The following PLEKHM3 variants were observed in gnomAD, a reference collection of about 807,000 sequenced individuals.
PLEKHM3 encodes pleckstrin homology domain-containing family M member 3.
In PLEKHM3, 45 loss-of-function variants were observed where a neutral mutation model predicts 81.8. That is an observed-to-expected ratio of 0.55 (90% CI 0.43 to 0.71). The LOEUF (loss-of-function observed/expected upper bound fraction) is 0.71, where lower values mean the gene tolerates loss of function less well. Ranked by LOEUF, PLEKHM3 falls within the 30% of genes least tolerant of loss-of-function variation. The probability of loss-of-function intolerance (pLI) is 0.00; values close to 1 mark genes in which losing one functional copy is unlikely to be tolerated. For synonymous variants in PLEKHM3, 352 were observed against 356.4 expected (o/e 0.99, Z 0.14); for missense variants, 788 against 924.3 (o/e 0.85, Z 1.91).
chr2:207,991,218 A>G (rs1691891015), intron 2 of PLEKHM3, among the ~76,000 whole-genome samples: 3 of 152,226 alleles, frequency 2.0e-5, no homozygotes, highest in Admixed American at 1.3e-4. Flanking sequence ...TTGGCTCTAT[A>G]TATCTAATCT....
At chr2:208,013,686 C>A (rs1392261763) in intron 1 of PLEKHM3, among the ~76,000 whole-genome samples, 1 of 152,148 alleles carries the variant, frequency 6.6e-6, no homozygotes, top group African/African-American at 2.4e-5. Context: ...CTTTCTGACC[C>A]ACAGACACAT....
chr2:208,019,453 T>G (rs1420986687), intron 1 of PLEKHM3, among the ~76,000 whole-genome samples: 2 of 152,168 alleles, frequency 1.3e-5, no homozygotes, highest in Non-Finnish European at 2.9e-5. Context: ...ACAACCTGGC[T>G]AAGTCTAATT....
At chr2:207,963,939 T>G (rs779345883) in intron 3 of PLEKHM3, among the ~76,000 whole-genome samples, 16 of 152,212 alleles carry the variant, frequency 1.1e-4, no homozygotes, top group Non-Finnish European at 1.9e-4. Flanking sequence ...TGGCTGGGCA[T>G]GGTGGCTCAC....
chr2:207,880,524 G>A (rs1440642740), intron 6 of PLEKHM3, among the ~76,000 whole-genome samples: 1 of 151,094 alleles, frequency 6.6e-6, no homozygotes, highest in Non-Finnish European at 1.5e-5. Context: ...AGCACTTTGG[G>A]AGGCCGAGAC....
At chr2:208,015,814 T>G (rs191072955) in intron 1 of PLEKHM3, among the ~76,000 whole-genome samples, 48 of 152,364 alleles carry the variant, frequency 3.2e-4, no homozygotes, top group African/African-American at 1.1e-3. Flanking sequence ...CAAACAAATG[T>G]TTCTGTCAAA....
rs1361115175 is a variant in PLEKHM3 at position 207,977,495 on chromosome 2, T to C, written c.702A>G (p.Glu234=). Residue 234 remains glutamate, a synonymous_variant, in exon 3 of 8, where the codon GAA becomes GAG. Coordinates refer to ENST00000427836, the MANE Select transcript of PLEKHM3 (RefSeq NM_001080475.3). ...HDSYWQSCYA[E]LSPYNLYFYS... is the part of the protein sequence containing the mutation. ...AGAAGTATAAGTTGTAAGGTGAAAG[T>C]TCTGCATAACAGCTTTGCCAGTAAC... 6.2e-7 allele frequency: 1 copy of C among 1,614,142 alleles called. No individual in the cohort carries two copies. Among genetic ancestry groups the C allele is most frequent in the Non-Finnish European group, 8.5e-7 (1 of 1,180,014 alleles).
rs118022887 is a variant in PLEKHM3, at chr2:207,978,505, G to A, written c.611-919C>T. Among the ~76,000 whole-genome samples, 576 of 152,158 alleles carry A rather than the reference G, an allele frequency of 3.8e-3. 11 individuals carry two copies. The highest frequency in any genetic ancestry group is 0.02 in the East Asian group (104 of 5,158). On this transcript the variant is annotated intron_variant, in intron 2 of 7. Transcript: ENST00000427836. Reference sequence around the variant, plus strand: ...CGAGGAAGGGTCAATGAATAGGAGCGAGCATAAAATGTGCTGCTCACAAAC... The same window carrying A: ...CGAGGAAGGGTCAATGAATAGGAGCAAGCATAAAATGTGCTGCTCACAAAC...
At chr2:207,949,263 A>T (rs891304896) in intron 3 of PLEKHM3, among the ~76,000 whole-genome samples, 1 of 152,216 alleles carries the variant, frequency 6.6e-6, no homozygotes, top group Non-Finnish European at 1.5e-5. Context: ...GAACCATGGA[A>T]CTGGCTAGGC....
At chr2:207,949,011 A>C (rs533159263) in intron 3 of PLEKHM3, among the ~76,000 whole-genome samples, 15 of 152,260 alleles carry the variant, frequency 9.9e-5, no homozygotes, top group African/African-American at 3.6e-4. Flanking sequence ...CTTAATACAG[A>C]GCTTTACAAA....
intron 6 of PLEKHM3, among the ~76,000 whole-genome samples, chr2:207,893,174 A>G (rs1045846123): frequency 6.6e-6 from 1 of 152,226 alleles, no homozygotes; most frequent in African/African-American, 2.4e-5. Context: ...GATTTACTTA[A>G]TATCCCAGCC....
chr2:207,880,627 T>G (rs576824747), intron 6 of PLEKHM3, among the ~76,000 whole-genome samples: 10 of 141,316 alleles, frequency 7.1e-5, no homozygotes, highest in Non-Finnish European at 7.8e-5. Flanking sequence ...GCCGGGCGTG[T>G]TGGCGGGCGC....
At chr2:207,969,481 A>G (rs1691037324) in intron 3 of PLEKHM3, among the ~76,000 whole-genome samples, 1 of 152,220 alleles carries the variant, frequency 6.6e-6, no homozygotes, top group Admixed American at 6.5e-5. Context: ...ATGCCATAAA[A>G]CAGGCCTTTG....
intron 3 of PLEKHM3, among the ~76,000 whole-genome samples, chr2:207,964,203 C>A (rs1411486292): frequency 6.6e-6 from 1 of 151,448 alleles, no homozygotes; most frequent in African/African-American, 2.4e-5. Context: ...CAGAGTGAGA[C>A]TCCGTCTCAA....
intron 6 of PLEKHM3, among the ~76,000 whole-genome samples, chr2:207,897,326 C>T (rs896826727): frequency 6.6e-6 from 1 of 152,284 alleles, no homozygotes; most frequent in South Asian, 2.1e-4. Context: ...CTTGATGACG[C>T]TGAAGAAAAC....
intron 6 of PLEKHM3, among the ~76,000 whole-genome samples, chr2:207,889,018 T>C (rs1431077246): frequency 6.6e-6 from 1 of 152,208 alleles, no homozygotes; most frequent in Non-Finnish European, 1.5e-5. Flanking sequence ...TACCTATAAA[T>C]GGCCTCTATG....
At chr2:207,923,325 T>C (rs1689248916) in intron 5 of PLEKHM3, among the ~76,000 whole-genome samples, 2 of 151,998 alleles carry the variant, frequency 1.3e-5, no homozygotes, top group South Asian at 2.1e-4. Flanking sequence ...ATTATTAAAA[T>C]AGCTAGGTGC....
chr2:207,834,507 C>A (rs2092307135), intron 7 of PLEKHM3, among the ~76,000 whole-genome samples: 1 of 151,044 alleles, frequency 6.6e-6, no homozygotes, highest in South Asian at 2.1e-4. Flanking sequence ...CTCACCGCAA[C>A]CTCCACCTCC....
chr2:207,931,509 C>G (rs544399198), intron 4 of PLEKHM3, among the ~76,000 whole-genome samples: 1 of 152,284 alleles, frequency 6.6e-6, no homozygotes, highest in South Asian at 2.1e-4. Context: ...CAGAACCTCT[C>G]TGAATTGTCT....
chr2:207,844,044 C>T (rs1259559122), intron 7 of PLEKHM3, among the ~76,000 whole-genome samples: 1 of 151,872 alleles, frequency 6.6e-6, no homozygotes, highest in African/African-American at 2.4e-5. Flanking sequence ...GATAGTGCCA[C>T]TGCACTCAAG....
Sources: allele counts gnomAD v4.1 joint callset (sites outside exome capture counted in the v4.1 genomes callset), GRCh38; gene constraint gnomAD v4.1.1; transcripts MANE v1.5; gene names NCBI Gene and HGNC (gene_info 2026-07-23, HGNC 2026-07-21).